Variants in ASTN2 observed in about 807,000 individuals in gnomAD.
ASTN2 encodes astrotactin 2.
A neutral mutation model predicts 139.8 loss-of-function variants in ASTN2; 54 were observed. The observed-to-expected ratio is 0.39, with a 90% confidence interval of 0.31 to 0.48. The LOEUF is 0.48. Ranked by LOEUF, ASTN2 falls within the 20% of genes least tolerant of loss-of-function variation. The pLI is 0.95. For synonymous variants in ASTN2, 756 were observed against 719.5 expected, an observed-to-expected ratio of 1.05 and a Z score of -0.81; for missense variants, 1,565 against 1,725.1, an observed-to-expected ratio of 0.91 and a Z score of 1.64.
At chr9:117,033,425 A>G (rs1588497551) in intron 6 of ASTN2, among the ~76,000 whole-genome samples, 1 of 150,732 alleles carries the variant, frequency 6.6e-6, no homozygotes, top group African/African-American at 2.5e-5. Context: ...TATGAGCATT[A>G]TTTCACTTAT....
chr9:116,965,641 T>C (rs1835991509), intron 10 of ASTN2, among the ~76,000 whole-genome samples: 1 of 152,202 alleles, frequency 6.6e-6, no homozygotes. Flanking sequence ...CTCATTCCTG[T>C]GGCTGAGCTG....
At position 116,596,909 on chromosome 9, in the gene ASTN2, T is replaced by C. The variant is rs79683654; in HGVS notation, c.3355+21415A>G. Among the ~76,000 whole-genome samples the C allele has an allele frequency of 1.1e-4, 17 of 151,370 alleles. No homozygotes were observed. The East Asian group carries it at 3.3e-3, about 30-fold the overall frequency. On this transcript the variant is annotated intron_variant, in intron 19 of 22. Transcript: ENST00000313400. ...GTGGAAAATTCAAAGCAGAGGGAGG[T>C]AGATGTGAAGTAACAAGCTTGGTGT...
chr9:117,358,293 CACAT>C (rs1829599541), intron 1 of ASTN2, among the ~76,000 whole-genome samples: 1 of 150,576 alleles, frequency 6.6e-6, no homozygotes, highest in African/African-American at 2.5e-5. Context: ...CACACACACA[CACAT>C]ACACATCCAC....
chr9:117,035,916 T>C (rs1305642852), intron 6 of ASTN2, among the ~76,000 whole-genome samples: 1 of 152,202 alleles, frequency 6.6e-6, no homozygotes, highest in Admixed American at 6.5e-5. Flanking sequence ...TAAATTCACC[T>C]ATTTAGTTTT....
chr9:116,940,953 T>G (rs1232871073), intron 10 of ASTN2, among the ~76,000 whole-genome samples: 1 of 152,220 alleles, frequency 6.6e-6, no homozygotes, highest in Non-Finnish European at 1.5e-5. Context: ...TACCATTGTG[T>G]TAAGTTGCCT....
At chr9:116,686,650 C>A in intron 16 of ASTN2, 1 of 1,530,390 alleles carries the variant, frequency 6.5e-7, no homozygotes, top group South Asian at 1.2e-5. Context: ...TAAGATTCCT[C>A]CACCTTCACC....
chr9:116,573,572 C>T (rs1448762281), intron 19 of ASTN2, among the ~76,000 whole-genome samples: 1 of 152,102 alleles, frequency 6.6e-6, no homozygotes, highest in Non-Finnish European at 1.5e-5. Flanking sequence ...AGCAAGACCC[C>T]AAGTAGCATA....
rs568152678 is a variant in ASTN2 at position 116,512,212 on chromosome 9, C to T, written c.3356-24712G>A. On this transcript the variant is annotated intron_variant, in intron 19 of 22. Transcript: ENST00000313400. ...TTCTGGTATGTTATGTCTTTGTTCTCGTTGATTTCAAAGAACATCTTTATT... is the reference window on the plus strand; with the variant it reads ...TTCTGGTATGTTATGTCTTTGTTCTTGTTGATTTCAAAGAACATCTTTATT... 7.2e-5 allele frequency among the ~76,000 whole-genome samples: 11 copies of T among 152,258 alleles called. No homozygotes were observed. The East Asian group carries it at 9.7e-4, about 13-fold the overall frequency.
chr9:116,491,800 C>T (rs1849525616), intron 19 of ASTN2, among the ~76,000 whole-genome samples: 1 of 152,184 alleles, frequency 6.6e-6, no homozygotes, highest in Non-Finnish European at 1.5e-5. Flanking sequence ...ATATAACATA[C>T]TCTGCATCTG....
intron 20 of ASTN2, among the ~76,000 whole-genome samples, chr9:116,450,501 G>A (rs914078191): frequency 2.0e-5 from 3 of 152,268 alleles, no homozygotes; most frequent in Admixed American, 6.5e-5. Flanking sequence ...TCCATAGCCC[G>A]TTGAAGACCT....
intron 19 of ASTN2, among the ~76,000 whole-genome samples, chr9:116,500,108 T>A (rs1018180980): frequency 2.0e-5 from 3 of 152,166 alleles, no homozygotes; most frequent in African/African-American, 7.2e-5. Flanking sequence ...CTGCCCAGCC[T>A]CACCCTTTGC....
chr9:117,323,953 C>T (rs7850624), intron 1 of ASTN2, among the ~76,000 whole-genome samples: 62,790 of 151,820 alleles, frequency 0.41, 13,316 homozygotes, highest in African/African-American at 0.49. Flanking sequence ...GGCTGGACAC[C>T]ATGCTAAATT....
chr9:117,383,918 A>G (rs1009687752), intron 1 of ASTN2, among the ~76,000 whole-genome samples: 1 of 152,148 alleles, frequency 6.6e-6, no homozygotes, highest in Non-Finnish European at 1.5e-5. Flanking sequence ...TATTGTAACA[A>G]TGGCTTTTAT....
At chr9:116,840,618 A>G (rs1832208693) in intron 11 of ASTN2, among the ~76,000 whole-genome samples, 6 of 63,376 alleles carry the variant, frequency 9.5e-5, no homozygotes, top group Admixed American at 1.7e-4. Context: ...CTCACTTCTC[A>G]GACGGGGCGG....
chr9:117,263,625 A>T (rs4837047), intron 2 of ASTN2, among the ~76,000 whole-genome samples: 149,443 of 152,286 alleles, frequency 0.98, 73,398 homozygotes, highest in Middle Eastern at 1. Flanking sequence ...ATACTCGGGA[A>T]TTGAAGTAGT....
chr9:117,156,313 C>T (rs186566805), intron 3 of ASTN2, among the ~76,000 whole-genome samples: 2 of 152,122 alleles, frequency 1.3e-5, no homozygotes, highest in East Asian at 3.9e-4. Flanking sequence ...AAAACAAACA[C>T]TATTTATAAC....
At chr9:117,294,295 A>G (rs2225752) in intron 1 of ASTN2, among the ~76,000 whole-genome samples, 152,345 of 152,392 alleles carry the variant, frequency 1, 76,149 homozygotes, top group Non-Finnish European at 1. Context: ...TGAGTGCACA[A>G]TCAGCAGACA....
chr9:117,117,316 A>G (rs146726132), intron 4 of ASTN2, among the ~76,000 whole-genome samples: 172 of 151,402 alleles, frequency 1.1e-3, no homozygotes, highest in African/African-American at 3.8e-3. Flanking sequence ...TCTTTCTTGG[A>G]CAAGTGTAGG....
intron 2 of ASTN2, among the ~76,000 whole-genome samples, chr9:117,245,430 G>T (rs1018098205): frequency 1.2e-4 from 18 of 152,164 alleles, no homozygotes; most frequent in African/African-American, 4.1e-4. Context: ...AGCGGCACAG[G>T]GACAGGGCTC....
Sources: allele counts gnomAD v4.1 joint callset (sites outside exome capture counted in the v4.1 genomes callset), GRCh38; gene constraint gnomAD v4.1.1; transcripts MANE v1.5; gene names NCBI Gene and HGNC (gene_info 2026-07-23, HGNC 2026-07-21).